The following DUSP13B variants were observed in gnomAD, a reference collection of about 807,000 sequenced individuals.
DUSP13B encodes dual specificity protein phosphatase 13B.
chr10:75,107,973 C>T, the DUSP13B span: 2 of 1,600,380 alleles, frequency 1.2e-6, no homozygotes, highest in Admixed American at 3.5e-5. Flanking sequence ...GGGATATGGG[C>T]TTGGACCCCA....
At chr10:75,095,506 G>T in the DUSP13B span, 4 of 1,410,952 alleles carry the variant, frequency 2.8e-6, no homozygotes, top group African/African-American at 2.8e-5. Flanking sequence ...ACCCACCAGT[G>T]CTACTGGAAT....
At chr10:75,105,718 T>A in the DUSP13B span, 1 of 1,553,792 alleles carries the variant, frequency 6.4e-7, no homozygotes, top group South Asian at 1.2e-5. Flanking sequence ...GCAGAGCTGG[T>A]GCAGGAAGCC....
At chr10:75,105,590 T>C in the DUSP13B span, 11 of 1,381,944 alleles carry the variant, frequency 8.0e-6, no homozygotes, top group South Asian at 6.4e-5. Flanking sequence ...TCCAATCCTA[T>C]GTCTGCAGCC....
At chr10:75,099,566 G>C in the DUSP13B span, 1 of 1,228,682 alleles carries the variant, frequency 8.1e-7, no homozygotes, top group Non-Finnish European at 1.0e-6. Context: ...TGGCTGGGGC[G>C]CCCATGGGGG....
At chr10:75,105,783 G>C in the DUSP13B span, 3 of 1,551,268 alleles carry the variant, frequency 1.9e-6, no homozygotes, top group Middle Eastern at 2.0e-4. Context: ...CCTGGCGCAG[G>C]GACAGCCGCT....
At chr10:75,096,041 G>A in the DUSP13B span, among the ~76,000 whole-genome samples, 1 of 152,170 alleles carries the variant, frequency 6.6e-6, no homozygotes, top group Non-Finnish European at 1.5e-5. Context: ...GATCACTTGA[G>A]GTCAGGAGTT....
At chr10:75,095,939 G>A in the DUSP13B span, 10 of 729,282 alleles carry the variant, frequency 1.4e-5, no homozygotes, top group Non-Finnish European at 2.3e-5. Flanking sequence ...AGGGTGAAGG[G>A]GCTCCTCCTG....
the DUSP13B span, chr10:75,097,616 C>G: frequency 2.4e-6 from 3 of 1,234,936 alleles, no homozygotes; most frequent in East Asian, 8.2e-5. Flanking sequence ...CGTGCCACCT[C>G]TGCCCTAGAG....
At chr10:75,095,784 C>T in the DUSP13B span, 349 of 1,614,104 alleles carry the variant, frequency 2.2e-4, no homozygotes, top group East Asian at 6.7e-3. Context: ...GCTCTTGTCC[C>T]GGGCTGCGTA....
the DUSP13B span, among the ~76,000 whole-genome samples, chr10:75,100,079 G>A: frequency 5.0e-4 from 76 of 152,098 alleles, no homozygotes; most frequent in African/African-American, 1.7e-3. Flanking sequence ...GACAGGCTCC[G>A]GGCTCAGGCC....
the DUSP13B span, among the ~76,000 whole-genome samples, chr10:75,096,213 C>G: frequency 7.2e-5 from 11 of 152,070 alleles, no homozygotes; most frequent in Admixed American, 1.3e-4. Flanking sequence ...CAAGATTATG[C>G]CACTGCACTC....
At chr10:75,109,010 C>A in the DUSP13B span, 1 of 1,602,506 alleles carries the variant, frequency 6.2e-7, no homozygotes, top group Non-Finnish European at 8.5e-7. Flanking sequence ...ACCACTCACG[C>A]ATCTCCTATG....
the DUSP13B span, among the ~76,000 whole-genome samples, chr10:75,102,282 C>T: frequency 1.3e-5 from 2 of 152,036 alleles, no homozygotes; most frequent in South Asian, 4.1e-4. Flanking sequence ...CGAGACCATC[C>T]TGGCTAACAG....
the DUSP13B span, chr10:75,108,978 C>T: frequency 1.7e-5 from 26 of 1,571,676 alleles, no homozygotes; most frequent in Middle Eastern, 3.4e-4. Context: ...CACGTCCCCA[C>T]CCCCATGCCC....
At chr10:75,106,111 T>C in the DUSP13B span, among the ~76,000 whole-genome samples, 511 of 150,612 alleles carry the variant, frequency 3.4e-3, no homozygotes, top group Middle Eastern at 6.9e-3. Flanking sequence ...CTTTTTTTTT[T>C]TTTTTTTTTT....
At chr10:75,106,108 T>C in the DUSP13B span, among the ~76,000 whole-genome samples, 2 of 150,274 alleles carry the variant, frequency 1.3e-5, no homozygotes, top group Non-Finnish European at 3.0e-5. Context: ...TTTCTTTTTT[T>C]TTTTTTTTTT....
the DUSP13B span, chr10:75,094,842 C>A: frequency 1.9e-6 from 3 of 1,614,126 alleles, no homozygotes; most frequent in South Asian, 1.1e-5. Flanking sequence ...TGTGGCAGAG[C>A]GGCTTACCCC....
the DUSP13B span, among the ~76,000 whole-genome samples, chr10:75,097,394 G>C: frequency 3.3e-5 from 5 of 152,146 alleles, no homozygotes; most frequent in Non-Finnish European, 7.4e-5. Context: ...ATTTTTAGTA[G>C]AGATGAGGTT....
the DUSP13B span, chr10:75,097,920 A>T: frequency 1.3e-6 from 2 of 1,520,972 alleles, no homozygotes; most frequent in South Asian, 2.5e-5. Flanking sequence ...GGCTGGAGGC[A>T]GGCTCCCAGA....
Sources: gnomAD v4.1 joint callset for allele counts (sites outside exome capture counted in the v4.1 genomes callset) on GRCh38, gnomAD v4.1.1 for gene constraint, MANE v1.5 for transcripts, NCBI Gene and HGNC (gene_info 2026-07-23, HGNC 2026-07-21) for gene names.